ASIC2: variants seen among roughly 807,000 people sequenced by gnomAD.
ASIC2 encodes acid-sensing ion channel 2.
In ASIC2, 25 loss-of-function variants were observed where a neutral mutation model predicts 57.3. That is an observed-to-expected ratio of 0.44 (90% CI 0.32 to 0.61). The LOEUF is 0.61. ASIC2 is among the 20% of genes least tolerant of loss of function. The pLI, the probability that ASIC2 is intolerant of heterozygous loss-of-function variation, is 0.06. For synonymous variants in ASIC2, 319 were observed against 307.5 expected (o/e 1.04, Z -0.39); for missense variants, 641 against 738.1 (o/e 0.87, Z 1.52).
At chr17:33,567,662 G>A (rs2141988889) in intron 1 of ASIC2, among the ~76,000 whole-genome samples, 1 of 152,208 alleles carries the variant, frequency 6.6e-6, no homozygotes, top group East Asian at 1.9e-4. Context: ...GGAGGGCAAG[G>A]GATAGACTGG....
intron 1 of ASIC2, among the ~76,000 whole-genome samples, chr17:33,490,700 A>C (rs79189330): frequency 2.6e-5 from 4 of 152,292 alleles, no homozygotes; most frequent in South Asian, 2.1e-4. Context: ...ACTGTGAGTC[A>C]ATTAAACCTC....
intron 1 of ASIC2, among the ~76,000 whole-genome samples, chr17:33,236,066 A>G (rs1908285693): frequency 6.6e-6 from 1 of 152,074 alleles, no homozygotes; most frequent in South Asian, 2.1e-4. Context: ...TGATCTCTTG[A>G]CCACATGATC....
intron 1 of ASIC2, among the ~76,000 whole-genome samples, chr17:33,799,427 CTTCTTTCTTTCTTTCTTTCT>C (rs201420934): frequency 0.015 from 1,299 of 84,052 alleles, 23 homozygotes; most frequent in South Asian, 0.04. Flanking sequence ...TTCTTTCTTT[CTTCTTTCTTTCTTTCTTTCT>C]TTCTTTCTTT....
At chr17:33,778,980 C>T (rs1911366828) in intron 1 of ASIC2, among the ~76,000 whole-genome samples, 3 of 152,242 alleles carry the variant, frequency 2.0e-5, no homozygotes, top group South Asian at 2.1e-4. Flanking sequence ...AAGTGCAGGG[C>T]CTTACTCATG....
chr17:33,943,701 A>AAG (rs1366497156), intron 1 of ASIC2, among the ~76,000 whole-genome samples: 1 of 151,462 alleles, frequency 6.6e-6, no homozygotes, highest in African/African-American at 2.4e-5. Context: ...GTAAAAAAAA[A>AAG]AAAAAAAAAA....
intron 1 of ASIC2, among the ~76,000 whole-genome samples, chr17:33,429,226 C>A (rs2141977079): frequency 6.6e-6 from 1 of 152,124 alleles, no homozygotes; most frequent in East Asian, 1.9e-4. Flanking sequence ...GTAGAAGATA[C>A]AGAATTTAAT....
intron 1 of ASIC2, among the ~76,000 whole-genome samples, chr17:33,799,987 G>C (rs1027801569): frequency 3.9e-5 from 6 of 152,148 alleles, no homozygotes; most frequent in African/African-American, 1.4e-4. Context: ...CTCACTAGGT[G>C]CTTCCTTATT....
At chr17:34,148,540 A>G (rs1904382408) in intron 1 of ASIC2, among the ~76,000 whole-genome samples, 1 of 152,190 alleles carries the variant, frequency 6.6e-6, no homozygotes. Context: ...GGCCATTTTG[A>G]CATAGAATCT....
chr17:33,821,942 G>C (rs1597890161), intron 1 of ASIC2, among the ~76,000 whole-genome samples: 1 of 152,174 alleles, frequency 6.6e-6, no homozygotes, highest in Non-Finnish European at 1.5e-5. Context: ...ACAGTCTTCT[G>C]TTCTAGCTGG....
intron 1 of ASIC2, among the ~76,000 whole-genome samples, chr17:33,988,461 C>G (rs1330752556): frequency 6.6e-6 from 1 of 152,164 alleles, no homozygotes; most frequent in African/African-American, 2.4e-5. Context: ...CCTTGCCTTC[C>G]GCCATGATTG....
At chr17:33,739,852 A>C (rs1323676576) in intron 1 of ASIC2, among the ~76,000 whole-genome samples, 1 of 151,402 alleles carries the variant, frequency 6.6e-6, no homozygotes, top group Non-Finnish European at 1.5e-5. Context: ...AAGAAAAAAG[A>C]GAAAGAAAAA....
chr17:33,982,696 A>G (rs1905669935), intron 1 of ASIC2, among the ~76,000 whole-genome samples: 1 of 152,188 alleles, frequency 6.6e-6, no homozygotes, highest in African/African-American at 2.4e-5. Context: ...GATTCAGCTC[A>G]ACTATCATCT....
At chr17:33,733,086 TA>T (rs1381280766) in intron 1 of ASIC2, among the ~76,000 whole-genome samples, 1 of 152,118 alleles carries the variant, frequency 6.6e-6, no homozygotes, top group Non-Finnish European at 1.5e-5. Context: ...GGAGGTTATT[TA>T]TTTTTTTAAA....
intron 1 of ASIC2, among the ~76,000 whole-genome samples, chr17:33,127,116 G>A (rs1181445693): frequency 6.7e-6 from 1 of 149,296 alleles, no homozygotes; most frequent in Non-Finnish European, 1.5e-5. Context: ...TGATCCACCC[G>A]CCTCGGCCTC....
rs558327368 is a variant in ASIC2 at position 33,699,092 on chromosome 17, A to G, written c.555+456886T>C. On this transcript the variant is annotated intron_variant, in intron 1 of 9. Coordinates refer to the ASIC2 transcript ENST00000359872. The stretch of plus-strand genomic sequence containing the variant: ...TAAATGTATTCCTGGTAGAGAAGGA[A>G]CAACTGGTTTCTTAGCCAACTGAGT... Among the ~76,000 whole-genome samples, 15 of 152,312 alleles carry G rather than the reference A, an allele frequency of 9.8e-5. No individual in the cohort carries two copies. The East Asian group carries it at 2.7e-3, about 27-fold the overall frequency.
intron 1 of ASIC2, among the ~76,000 whole-genome samples, chr17:33,222,585 CT>C (rs1477564230): frequency 6.6e-6 from 1 of 152,112 alleles, no homozygotes. Context: ...ATAAAGCTTC[CT>C]TAAAAAGAGA....
intron 1 of ASIC2, among the ~76,000 whole-genome samples, chr17:33,501,831 C>A (rs991979732): frequency 6.6e-6 from 1 of 152,180 alleles, no homozygotes; most frequent in African/African-American, 2.4e-5. Flanking sequence ...TAAGAGCCAG[C>A]CTTTGGCTTT....
At position 33,909,016 on chromosome 17, in the gene ASIC2, C is replaced by T. The variant is rs569484468; in HGVS notation, c.555+246962G>A. Reference sequence around the variant, plus strand: ...GATCAGCCTTCAGCCAAGAAAAGAGCACAGCCATCAGCTGTTGAATGGTGG... The same window carrying T: ...GATCAGCCTTCAGCCAAGAAAAGAGTACAGCCATCAGCTGTTGAATGGTGG... On this transcript the variant is annotated intron_variant, in intron 1 of 9. Coordinates refer to the ASIC2 transcript ENST00000359872. 6.6e-5 allele frequency among the ~76,000 whole-genome samples: 10 copies of T among 152,304 alleles called. No individual in the cohort carries two copies. In the South Asian group the frequency reaches 2.1e-3, roughly 32 times the overall value.
At chr17:33,588,922 C>T (rs1904733748) in intron 1 of ASIC2, among the ~76,000 whole-genome samples, 1 of 152,192 alleles carries the variant, frequency 6.6e-6, no homozygotes. Flanking sequence ...AATTCACTTG[C>T]TGTGTGGCCC....
Sources: gnomAD v4.1 joint callset for allele counts (sites outside exome capture counted in the v4.1 genomes callset) on GRCh38, gnomAD v4.1.1 for gene constraint, MANE v1.5 for transcripts, NCBI Gene and HGNC (gene_info 2026-07-23, HGNC 2026-07-21) for gene names.